The following LARP1 variants were observed in gnomAD, a reference collection of about 807,000 sequenced individuals.
LARP1 encodes La ribonucleoprotein 1, translational regulator.
A neutral mutation model predicts 122.7 loss-of-function variants in LARP1; 36 were observed. The ratio of observed to expected loss-of-function variants is 0.29; its 90% CI spans 0.22 to 0.39. The LOEUF is 0.39. Among genes scored for constraint, LARP1 ranks in the 10% least tolerant of loss-of-function variants. LARP1 has a pLI of 1.00. For missense variants in LARP1, 1,040 were observed against 1,403.6 expected, an observed-to-expected ratio of 0.74 and a Z score of 4.14; for synonymous variants, 539 against 528.7, an observed-to-expected ratio of 1.02 and a Z score of -0.27.
rs948294748 is a variant in LARP1, at chr5:154,730,045, C to T, written c.205+16915C>T. ...TCAGAATTATGAGCAAATAAAATTG[C>T]TCATAAATTTTAAGCCCTAAATTTT... is the stretch of plus-strand genomic sequence containing the variant. On this transcript the variant is annotated intron_variant, in intron 1 of 18. Coordinates refer to the LARP1 transcript ENST00000336314. 2.6e-5 allele frequency among the ~76,000 whole-genome samples: 4 copies of T among 152,128 alleles called. No individual in the cohort carries two copies. In the South Asian group the frequency reaches 8.3e-4, roughly 32 times the overall value.
chr5:154,687,979 C>T (rs188074475), intron 1 of LARP1, among the ~76,000 whole-genome samples: 21 of 152,148 alleles, frequency 1.4e-4, no homozygotes, highest in South Asian at 4.2e-4. Context: ...GGGGATTATC[C>T]GAGGCATCTG....
At position 154,792,040 on chromosome 5, in the gene LARP1, G is replaced by A. The variant is rs569951974; in HGVS notation, c.565-582G>A. The A allele has an allele frequency of 1.4e-3, 608 of 448,574 alleles. 7 individuals carry two copies. The highest frequency in any genetic ancestry group is 9.2e-3 in the South Asian group (594 of 64,292). The allele number at this position is 448,574 out of a possible 1,614,324, so 27.8% of individuals were successfully genotyped here. ...TGTGTTGTATTATTCCCCAGCCTGTGTTCTCCATCACTACGCTTGGGTTTT... is the reference window on the plus strand; with the variant it reads ...TGTGTTGTATTATTCCCCAGCCTGTATTCTCCATCACTACGCTTGGGTTTT... On this transcript the variant is annotated intron_variant, in intron 3 of 18. Coordinates refer to ENST00000518297, the MANE Select transcript of LARP1 (RefSeq NM_033551.3).
At chr5:154,715,580 G>A (rs1018304782) in intron 1 of LARP1, among the ~76,000 whole-genome samples, 4 of 152,088 alleles carry the variant, frequency 2.6e-5, no homozygotes, top group Non-Finnish European at 5.9e-5. Context: ...CGTTGCTGCT[G>A]AACACCAGGG....
chr5:154,799,503 C>A, intron 8 of LARP1, 88 bp from the exon 9 acceptor site: 1 of 1,424,906 alleles, frequency 7.0e-7, no homozygotes, highest in Non-Finnish European at 9.7e-7. Flanking sequence ...TCATACCAAG[C>A]TCAGGGGAAC....
intron 1 of LARP1, among the ~76,000 whole-genome samples, chr5:154,698,528 C>T (rs1296278617): frequency 1.3e-5 from 2 of 152,072 alleles, no homozygotes; most frequent in South Asian, 2.1e-4. Context: ...ATCCAGGAGG[C>T]GGAGGTTGCA....
chr5:154,710,937 C>A (rs1477911683), upstream of LARP1, among the ~76,000 whole-genome samples: 1 of 151,954 alleles, frequency 6.6e-6, no homozygotes, highest in Non-Finnish European at 1.5e-5. Flanking sequence ...AATACCAAAG[C>A]TACTACTAAC....
rs1759629764 is a variant in LARP1 at position 154,815,826 on chromosome 5, G to GA, written c.*1731dup. On this transcript the variant is annotated 3_prime_UTR_variant, in exon 19 of 19. Transcript: ENST00000518297. ...GAGTCTGCTGTTGTCAGAAGGCAGGGAGGGTGATGAAGGACTGACCCACAT... is the reference window on the plus strand; with the variant it reads ...GAGTCTGCTGTTGTCAGAAGGCAGGGAAGGGTGATGAAGGACTGACCCACAT... 6.6e-6 allele frequency: 1 copy of GA among 152,662 alleles called. No homozygotes were observed. The highest frequency in any genetic ancestry group is 2.4e-5 in the African/African-American group (1 of 41,562). 9.5% of individuals were successfully genotyped at this position (152,662 alleles called of 1,614,324 possible). A position where few individuals can be genotyped will look rare whatever the true frequency, so the allele number is the denominator to read the frequency against.
intron 1 of LARP1, among the ~76,000 whole-genome samples, chr5:154,735,183 G>C (rs1756802613): frequency 6.6e-6 from 1 of 152,074 alleles, no homozygotes; most frequent in Non-Finnish European, 1.5e-5. Flanking sequence ...GGTCAAACGT[G>C]GTGGCTCATG....
At chr5:154,765,863 G>A (rs566316272) in intron 1 of LARP1, among the ~76,000 whole-genome samples, 1 of 152,320 alleles carries the variant, frequency 6.6e-6, no homozygotes, top group Non-Finnish European at 1.5e-5. Flanking sequence ...ATTACATTTT[G>A]AGTGCTTACC....
Position 154,755,720 on chromosome 5 carries a change from C to A in LARP1, c.-38C>A, listed in dbSNP as rs1255735920. The stretch of plus-strand genomic sequence containing the variant: ...AAGTTCGAGGCGGGGGAGGCAGCCT[C>A]GGGCGCGCCCGGCTTCTCCGGGGGG... On this transcript the variant is annotated 5_prime_UTR_variant, in exon 1 of 19. Transcript: ENST00000518297. The A allele has an allele frequency of 1.0e-6, 1 of 987,474 alleles. No individual in the cohort carries two copies. Among genetic ancestry groups the A allele is most frequent in the East Asian group, 1.1e-4 (1 of 8,752 alleles). The allele number at this position is 987,474 out of a possible 1,614,324, so 61.2% of individuals were successfully genotyped here. A position where few individuals can be genotyped will look rare whatever the true frequency, so the allele number is the denominator to read the frequency against.
chr5:154,688,506 T>C (rs1754041614), intron 1 of LARP1, among the ~76,000 whole-genome samples: 1 of 151,538 alleles, frequency 6.6e-6, no homozygotes, highest in African/African-American at 2.4e-5. Flanking sequence ...AATACAAAAA[T>C]TATCCAGGTG....
At chr5:154,715,856 TA>T (rs2113316568) in intron 1 of LARP1, among the ~76,000 whole-genome samples, 1 of 152,362 alleles carries the variant, frequency 6.6e-6, no homozygotes, top group South Asian at 2.1e-4. Flanking sequence ...ACAATTTTAC[TA>T]GATGTTTTGA....
At chr5:154,795,982 T>C (rs1358684724) in intron 8 of LARP1, among the ~76,000 whole-genome samples, 1 of 118,732 alleles carries the variant, frequency 8.4e-6, no homozygotes, top group Non-Finnish European at 1.6e-5. Context: ...TATATATTTA[T>C]ATATTATATA....
At chr5:154,795,055 A>C (rs1757638588) in intron 7 of LARP1, 120 bp from the exon 8 acceptor site, 1 of 903,054 alleles carries the variant, frequency 1.1e-6, no homozygotes, top group Non-Finnish European at 1.8e-6. Context: ...ATATAGGATA[A>C]GGATGGGGTA....
chr5:154,800,552 G>A (rs763265735), intron 10 of LARP1, among the ~76,000 whole-genome samples: 6 of 152,060 alleles, frequency 3.9e-5, no homozygotes, highest in Non-Finnish European at 7.4e-5. Flanking sequence ...ATACCTCAAG[G>A]CTTCAGTTTC....
Position 154,808,615 on chromosome 5 carries a change from T to C in LARP1, c.2843+12T>C, listed in dbSNP as rs1368924036. On this transcript the variant is annotated intron_variant, in intron 16 of 18. Transcript: ENST00000518297. ...AAAGAAGGCTACAGGTGAGCAGGTT[T>C]GGGTGGGGGACTTTGGCTGGTGCTT... The C allele has an allele frequency of 6.8e-6, 11 of 1,609,456 alleles. No individual in the cohort carries two copies. Among genetic ancestry groups the C allele is most frequent in the Non-Finnish European group, 8.5e-6 (10 of 1,177,722 alleles).
intron 10 of LARP1, among the ~76,000 whole-genome samples, chr5:154,800,657 A>G (rs1380942236): frequency 6.6e-6 from 1 of 152,200 alleles, no homozygotes; most frequent in Non-Finnish European, 1.5e-5. Flanking sequence ...AAGTATTGCA[A>G]TCTCTAACTA....
At chr5:154,709,461 G>T (rs1220628292), upstream of LARP1, among the ~76,000 whole-genome samples, 3 of 152,124 alleles carry the variant, frequency 2.0e-5, no homozygotes, top group Non-Finnish European at 4.4e-5. Context: ...TGTGAATCAC[G>T]TGTTGCAATG....
chr5:154,699,505 AAT>A (rs1450320280), intron 1 of LARP1, among the ~76,000 whole-genome samples: 109 of 140,984 alleles, frequency 7.7e-4, no homozygotes, highest in Non-Finnish European at 1.3e-3. Flanking sequence ...AAAAAAAAAA[AAT>A]TTAAATAATT....
Sources: allele counts gnomAD v4.1 joint callset (sites outside exome capture counted in the v4.1 genomes callset), GRCh38; gene constraint gnomAD v4.1.1; transcripts MANE v1.5; gene names NCBI Gene and HGNC (gene_info 2026-07-23, HGNC 2026-07-21).